The following ZNF846 variants were observed in gnomAD, a reference collection of about 807,000 sequenced individuals.
The protein encoded by ZNF846 is zinc finger protein 420 pseudogene.
In ZNF846, 15 loss-of-function variants were observed where a neutral mutation model predicts 16.0. That is an observed-to-expected ratio of 0.94 (90% CI 0.63 to 1.45). The LOEUF is 1.45. ZNF846 is among the 40% of genes most tolerant of loss of function. ZNF846 has a pLI of 0.00. For missense variants in ZNF846, 714 were observed against 622.3 expected (o/e 1.15, Z -1.57); for synonymous variants, 229 against 212.0 (o/e 1.08, Z -0.70).
chr19:9,774,483 A>G, intron 1 of ZNF846: 8 of 961,364 alleles, frequency 8.3e-6, no homozygotes, highest in African/African-American at 4.9e-5. Flanking sequence ...AAAAAAAAAA[A>G]TACCAAATCC....
At chr19:9,764,991 C>T (rs757620453) in exon 2 of ZNF846, 24 of 1,612,278 alleles carry the variant, frequency 1.5e-5, no homozygotes, top group South Asian at 1.1e-4. Context: ...CTTGGCTTCT[C>T]GATGTTCCTG....
At chr19:9,758,221 C>G in exon 6 of ZNF846, 1 of 1,613,236 alleles carries the variant, frequency 6.2e-7, no homozygotes, top group South Asian at 1.1e-5. Flanking sequence ...TTCCCACACT[C>G]TTTACATTTA....
chr19:9,764,716 C>CCGTT (rs2045286688), intron 2 of ZNF846: 1 of 579,082 alleles, frequency 1.7e-6, no homozygotes, highest in South Asian at 2.0e-5. Context: ...AGAGAGAGCC[C>CCGTT]CGTTGCACTG....
chr19:9,780,612 G>C (rs1284073928), intron 1 of ZNF846, among the ~76,000 whole-genome samples: 1 of 151,952 alleles, frequency 6.6e-6, no homozygotes, highest in Non-Finnish European at 1.5e-5. Context: ...ATCATGCCCG[G>C]CTAATTTTTG....
At chr19:9,781,013 G>A (rs1405876474) in intron 1 of ZNF846, among the ~76,000 whole-genome samples, 1 of 152,184 alleles carries the variant, frequency 6.6e-6, no homozygotes, top group African/African-American at 2.4e-5. Context: ...GGATTAGGTT[G>A]AGAATTACTG....
intron 1 of ZNF846, among the ~76,000 whole-genome samples, chr19:9,767,569 A>G (rs2045338063): frequency 6.6e-6 from 1 of 152,210 alleles, no homozygotes; most frequent in South Asian, 2.1e-4. Context: ...TTGGTTTAGA[A>G]TATTCAATCT....
chr19:9,764,157 G>T (rs1457288377), intron 2 of ZNF846, among the ~76,000 whole-genome samples: 1 of 152,198 alleles, frequency 6.6e-6, no homozygotes, highest in Non-Finnish European at 1.5e-5. Context: ...CATGGGGGGT[G>T]CCTGTCCATA....
chr19:9,785,729 TC>T (rs1316932554), intron 1 of ZNF846, among the ~76,000 whole-genome samples: 1 of 19,374 alleles, frequency 5.2e-5, no homozygotes, highest in East Asian at 1.8e-3. Context: ...CGCCCCCATC[TC>T]CCTCTCACCG....
At chr19:9,758,197 A>C in exon 6 of ZNF846, 1 of 1,613,162 alleles carries the variant, frequency 6.2e-7, no homozygotes, top group Non-Finnish European at 8.5e-7. Flanking sequence ...AGGTATGAAG[A>C]ATGGGTGAAG....
At chr19:9,764,723 A>G in intron 2 of ZNF846, 1 of 593,268 alleles carries the variant, frequency 1.7e-6, no homozygotes, top group Non-Finnish European at 3.0e-6. Flanking sequence ...GCCCCGTTGC[A>G]CTGTGGGCTG....
rs914224710 is a variant in ZNF846, at chr19:9,759,246, C to G, written c.313-482G>C. 1.5e-4 allele frequency among the ~76,000 whole-genome samples: 23 copies of G among 151,978 alleles called. 1 individual carries two copies. Among genetic ancestry groups the G allele is most frequent in the African/African-American group, 5.6e-4 (23 of 41,250 alleles). Reference sequence around the variant, plus strand: ...CTCCTGGCCTCAAGTGATCTGCCCGCTTTGGCCTCCCAAAGTGCTGGGATT... The same window carrying G: ...CTCCTGGCCTCAAGTGATCTGCCCGGTTTGGCCTCCCAAAGTGCTGGGATT... On this transcript the variant is annotated intron_variant, in intron 5 of 5. Transcript: ENST00000397902.
intron 1 of ZNF846, among the ~76,000 whole-genome samples, chr19:9,774,198 G>T (rs1309770803): frequency 6.6e-6 from 1 of 152,200 alleles, no homozygotes; most frequent in Non-Finnish European, 1.5e-5. Context: ...GCCGGGCGCA[G>T]TGTCTTATGC....
exon 6 of ZNF846, chr19:9,758,398 C>A (rs1201943335): frequency 3.7e-6 from 6 of 1,613,086 alleles, no homozygotes; most frequent in Non-Finnish European, 5.1e-6. Flanking sequence ...TCCTTACATA[C>A]ATAGTGTTTG....
At chr19:9,753,849 C>T (rs1461836840), downstream of ZNF846, among the ~76,000 whole-genome samples, 1 of 151,522 alleles carries the variant, frequency 6.6e-6, no homozygotes, top group Non-Finnish European at 1.5e-5. Flanking sequence ...GAAACTATTC[C>T]ACATATGCTT....
upstream of ZNF846, chr19:9,768,748 C>T (rs1363140340): frequency 1.3e-5 from 2 of 152,396 alleles, no homozygotes; most frequent in East Asian, 3.8e-4. Flanking sequence ...TAGCTGCGCG[C>T]CGGCTGGCAC....
downstream of ZNF846, among the ~76,000 whole-genome samples, chr19:9,749,955 T>A (rs1287123502): frequency 6.6e-6 from 1 of 152,040 alleles, no homozygotes; most frequent in Non-Finnish European, 1.5e-5. Flanking sequence ...CTCCCCCCCA[T>A]ATTTGGACCC....
upstream of ZNF846, among the ~76,000 whole-genome samples, chr19:9,773,180 A>G (rs1303457732): frequency 6.6e-6 from 1 of 152,126 alleles, no homozygotes; most frequent in Non-Finnish European, 1.5e-5. Flanking sequence ...TTCAACACTC[A>G]TTTATTATTA....
intron 2 of ZNF846, 44 bp downstream of exon 2, chr19:9,764,892 G>C (rs1377195959): frequency 6.2e-7 from 1 of 1,611,508 alleles, no homozygotes; most frequent in Admixed American, 1.7e-5. Flanking sequence ...ACCGATGATG[G>C]CTACAAGCAT....
chr19:9,750,663 T>A (rs2045076662), downstream of ZNF846, among the ~76,000 whole-genome samples: 1 of 152,060 alleles, frequency 6.6e-6, no homozygotes. Flanking sequence ...CAAAAAAGAG[T>A]CATCCCATTA....
Sources: allele counts gnomAD v4.1 joint callset (sites outside exome capture counted in the v4.1 genomes callset), GRCh38; gene constraint gnomAD v4.1.1; transcripts MANE v1.5; gene names NCBI Gene and HGNC (gene_info 2026-07-23, HGNC 2026-07-21).